GMIP: variants seen among roughly 807,000 people sequenced by gnomAD.
GMIP encodes GEM-interacting protein.
In GMIP, 54 loss-of-function variants were observed where a neutral mutation model predicts 105.3. The observed-to-expected ratio is 0.51, with a 90% CI of 0.41 to 0.64. The LOEUF (loss-of-function observed/expected upper bound fraction) is 0.64. Ranked by LOEUF, GMIP falls within the 30% of genes least tolerant of loss-of-function variation. The pLI is 0.00. For synonymous variants in GMIP, 541 were observed against 560.8 expected (o/e 0.96, Z 0.50); for missense variants, 1,110 against 1,319.4 (o/e 0.84, Z 2.46).
chr19:19,630,037 A>G lies in GMIP; in HGVS notation c.2839T>C (p.Leu947=), dbSNP rs760115407. The G allele has an allele frequency of 2.5e-6, 4 of 1,608,970 alleles. No individual in the cohort carries two copies. In the African/African-American group the frequency reaches 4.0e-5, roughly 16 times the overall value. ...TQETARLLSK[L]DSEAVPRATC... is the part of the protein sequence containing the mutation. ...GCCCTGGGCACAGCCTCGCTGTCCA[A>G]TTTCGAGAGTAGCCGGGCTGTCTCC... The change falls in exon 21 of 21, where the codon TTG becomes CTG. Residue 947 remains leucine (L), a synonymous_variant. Coordinates refer to ENST00000203556, the MANE Select transcript of GMIP (RefSeq NM_016573.4). This position sits in a 1 kb window ranked among gnomAD's most constrained non-coding sequence, Gnocchi z 4.8.
At chr19:19,641,953 C>T in intron 3 of GMIP, 23 bp downstream of exon 3, 3 of 1,607,410 alleles carry the variant, frequency 1.9e-6, no homozygotes, top group Non-Finnish European at 2.6e-6. Context: ...GTCTTCCTCC[C>T]TGTTCCCCTA....
At position 19,635,187 on chromosome 19, in the gene GMIP, G is replaced by A. The variant is rs762495802; in HGVS notation, c.1587C>T (p.Cys529=). ...CACAGAGGATCAGGAGAGTCTCCAG[G>A]CAGCGCTTGTGGCAGGTCAGAAAGC... ...EECFLTCHKR[C]LETLLILCGH... The change falls in exon 16 of 21, where the codon TGC becomes TGT. Residue 529 remains cysteine, a synonymous_variant. Coordinates refer to ENST00000203556, the MANE Select transcript of GMIP (RefSeq NM_016573.4). The surrounding 1 kb of genome is among the most constrained non-coding windows in gnomAD (Gnocchi z 4.7). The A allele has an allele frequency of 1.2e-6, 2 of 1,613,558 alleles. No individual in the cohort carries two copies. The highest frequency in any genetic ancestry group is 2.2e-5 in the South Asian group (2 of 91,036).
Position 19,634,389 on chromosome 19 carries a change from G to C in GMIP, c.2084+118C>G. On this transcript the variant is annotated intron_variant, in intron 18 of 20. Transcript: ENST00000203556. The surrounding 1 kb of genome is among the most constrained non-coding windows in gnomAD (Gnocchi z 6.1). ...GTTATGAATCATGGATTAAGGTTCA[G>C]AGTTCAGAAAACACAGGTCAAAGGT... 2 of 1,052,980 alleles carry C rather than the reference G, an allele frequency of 1.9e-6. No homozygotes were observed. Among genetic ancestry groups the C allele is most frequent in the Non-Finnish European group, 1.4e-6 (1 of 705,486 alleles). 65.2% of individuals were successfully genotyped at this position (1,052,980 alleles called of 1,614,324 possible).
chr19:19,637,676 T>A lies in GMIP; in HGVS notation c.928-115A>T. The A allele has an allele frequency of 1.1e-6, 1 of 951,650 alleles. No individual in the cohort carries two copies. The highest frequency in any genetic ancestry group is 1.5e-6 in the Non-Finnish European group (1 of 666,330). 59.0% of individuals were successfully genotyped at this position (951,650 alleles called of 1,614,324 possible). On this transcript the variant is annotated intron_variant, in intron 10 of 20. Transcript: ENST00000203556. The surrounding 1 kb of genome is among the most constrained non-coding windows in gnomAD (Gnocchi z 6.7). ...ACGTGGTCAGGGTTTGGGACGCACC[T>A]GGGCGGCTTAGGAACTAGGGCAGTC...
chr19:19,637,159 C>T lies in GMIP; in HGVS notation c.1125-130G>A. On this transcript the variant is annotated intron_variant, in intron 11 of 20. Coordinates refer to ENST00000203556, the MANE Select transcript of GMIP (RefSeq NM_016573.4). This position sits in a 1 kb window ranked among gnomAD's most constrained non-coding sequence, Gnocchi z 6.7. ...AACCCTGACACCCAGGGCATTGTGG[C>T]CCCTGAAATACAGTAGCCCCACATT... is the stretch of plus-strand genomic sequence containing the variant. 1 of 695,086 alleles carries T rather than the reference C, an allele frequency of 1.4e-6. No homozygotes were observed. The highest frequency in any genetic ancestry group is 2.7e-5 in the East Asian group (1 of 36,854). The allele number at this position is 695,086 out of a possible 1,614,324, so 43.1% of individuals were successfully genotyped here. A position where few individuals can be genotyped will look rare whatever the true frequency, so the allele number is the denominator to read the frequency against.
chr19:19,633,997 C>T lies in GMIP; in HGVS notation c.2278G>A (p.Asp760Asn). 2.5e-6 allele frequency: 4 copies of T among 1,606,150 alleles called. No homozygotes were observed. The highest frequency in any genetic ancestry group is 3.4e-6 in the Non-Finnish European group (4 of 1,174,010). The change falls in exon 19 of 21, where the codon GAT becomes AAT. Residue 760 changes from aspartate to asparagine, a missense_variant. Physicochemically the swap from Asp to Asn is conservative, Grantham distance 23. Coordinates refer to ENST00000203556, the MANE Select transcript of GMIP (RefSeq NM_016573.4). ...IVHYEQIFGM[D>N]ELPQATEPPP... ...GGCTCAGTGGCCTGGGGGAGCTCAT[C>T]CATCCCAAAGATCTGCTCGTAGTGC...
At position 19,636,825 on chromosome 19, in the gene GMIP, C is replaced by T. The variant is rs1370386365; in HGVS notation, c.1238-29G>A. On this transcript the variant is annotated intron_variant, in intron 12 of 20. Coordinates refer to ENST00000203556, the MANE Select transcript of GMIP (RefSeq NM_016573.4). The stretch of plus-strand genomic sequence containing the variant: ...GGTGGCACAGGTCAATAAGGATGGT[C>T]CCCTGCTCACAAACCCCACTCCTGC... 1.9e-6 allele frequency: 3 copies of T among 1,588,442 alleles called. No homozygotes were observed. The South Asian group carries it at 3.3e-5, about 18-fold the overall frequency.
chr19:19,637,821 A>T lies in GMIP; in HGVS notation c.927+99T>A. On this transcript the variant is annotated intron_variant, in intron 10 of 20. Transcript: ENST00000203556. This position sits in a 1 kb window ranked among gnomAD's most constrained non-coding sequence, Gnocchi z 6.7. ...AACTGGCTGTCGAGGGAAATGGCCTAGTCCTGGTGTCTCCAGGGTGGCTTA... is the reference window on the plus strand; with the variant it reads ...AACTGGCTGTCGAGGGAAATGGCCTTGTCCTGGTGTCTCCAGGGTGGCTTA... 7.8e-7 allele frequency: 1 copy of T among 1,286,596 alleles called. No homozygotes were observed. Among genetic ancestry groups the T allele is most frequent in the Non-Finnish European group, 1.1e-6 (1 of 929,884 alleles). 79.7% of individuals were successfully genotyped at this position (1,286,596 alleles called of 1,614,324 possible).
At position 19,637,440 on chromosome 19, in the gene GMIP, C is replaced by T. The variant is rs1325522799; in HGVS notation, c.1049G>A (p.Arg350Gln). The T allele has an allele frequency of 1.3e-6, 2 of 1,512,872 alleles. No homozygotes were observed. Among genetic ancestry groups the T allele is most frequent in the East Asian group, 2.6e-5 (1 of 38,764 alleles). 93.7% of individuals were successfully genotyped at this position (1,512,872 alleles called of 1,614,324 possible). The change falls in exon 11 of 21, where the codon CGG (arginine) becomes CAG (glutamine). Residue 350 changes from arginine (R) to glutamine (Q), a missense_variant. Around this residue, in one of 3 missense-constraint regions of GMIP, gnomAD observed 667 missense variants for 773.2 expected, o/e 0.86. Transcript: ENST00000203556. This position sits in a 1 kb window ranked among gnomAD's most constrained non-coding sequence, Gnocchi z 6.7. Reference sequence around the variant, plus strand: ...CGGCGGGGCCTCGGGCCGCAGCGCCCGTACAAACTCCTGGTAGCGCTGGCC... The same window carrying T: ...CGGCGGGGCCTCGGGCCGCAGCGCCTGTACAAACTCCTGGTAGCGCTGGCC... ...EPGQRYQEFV[R>Q]ALRPEAPPPP...
rs141650591 is a variant in GMIP, at chr19:19,630,207, A to G, written c.2669T>C (p.Val890Ala). ...VTHQLSSLALVASKLCEETPI... is the reference protein window; with the variant it reads ...VTHQLSSLALAASKLCEETPI... The stretch of plus-strand genomic sequence containing the variant: ...GGTCTCCTCGCACAGCTTGGAAGCC[A>G]CCAGGGCCAGACTGGACAGCTGGTG... The change falls in exon 21 of 21, where the codon GTG (valine) becomes GCG (alanine). Residue 890 changes from valine (V) to alanine (A), a missense_variant. Physicochemically the swap from Val to Ala is moderately conservative, Grantham distance 64. Around this residue, in one of 3 missense-constraint regions of GMIP, gnomAD observed 394 missense variants for 450.5 expected, o/e 0.87. Transcript: ENST00000203556. The surrounding 1 kb of genome is among the most constrained non-coding windows in gnomAD (Gnocchi z 4.8). The G allele has an allele frequency of 1.3e-6, 2 of 1,598,736 alleles. No homozygotes were observed. The highest frequency in any genetic ancestry group is 1.7e-6 in the Non-Finnish European group (2 of 1,169,044).
rs764134035 is a variant in GMIP, at chr19:19,637,577, A to G, written c.928-16T>C. The stretch of plus-strand genomic sequence containing the variant: ...TCAGCGTCACCTGCCGGGTGGAGAC[A>G]GCAGGTTGGGGAGGGGCGGAGCCTG... On this transcript the variant is annotated splice_polypyrimidine_tract_variant and intron_variant, in intron 10 of 20. Transcript: ENST00000203556. The surrounding 1 kb of genome is among the most constrained non-coding windows in gnomAD (Gnocchi z 6.7). The G allele has an allele frequency of 2.0e-6, 3 of 1,505,278 alleles. No individual in the cohort carries two copies. The highest frequency in any genetic ancestry group is 2.5e-5 in the East Asian group (1 of 40,264). The allele number at this position is 1,505,278 out of a possible 1,614,324, so 93.2% of individuals were successfully genotyped here. A position where few individuals can be genotyped will look rare whatever the true frequency, so the allele number is the denominator to read the frequency against.
intron 19 of GMIP, among the ~76,000 whole-genome samples, chr19:19,632,049 G>C (rs2061801731): frequency 6.6e-6 from 1 of 151,590 alleles, no homozygotes; most frequent in African/African-American, 2.4e-5. Context: ...CCAGCACTTT[G>C]GGAGGCTGAG....
Position 19,637,794 on chromosome 19 carries a change from G to A in GMIP, c.927+126C>T. 9.3e-7 allele frequency: 1 copy of A among 1,078,356 alleles called. No individual in the cohort carries two copies. The highest frequency in any genetic ancestry group is 1.3e-6 in the Non-Finnish European group (1 of 751,392). The allele number at this position is 1,078,356 out of a possible 1,614,324, so 66.8% of individuals were successfully genotyped here. On this transcript the variant is annotated intron_variant, in intron 10 of 20. Coordinates refer to ENST00000203556, the MANE Select transcript of GMIP (RefSeq NM_016573.4). This position sits in a 1 kb window ranked among gnomAD's most constrained non-coding sequence, Gnocchi z 6.7. ...AGCCGAGACAGTGGGTCTGGGGGCG[G>A]GAACTGGCTGTCGAGGGAAATGGCC...
chr19:19,643,427 G>T, intron 1 of GMIP, 84 bp downstream of exon 1: 1 of 1,274,864 alleles, frequency 7.8e-7, no homozygotes, highest in Non-Finnish European at 1.1e-6. Context: ...TGGCTCTCAG[G>T]ACGGAGCGGG....
At chr19:19,636,093 A>G (rs2061851221) in intron 13 of GMIP, among the ~76,000 whole-genome samples, 2 of 151,726 alleles carry the variant, frequency 1.3e-5, no homozygotes, top group Admixed American at 1.3e-4. Flanking sequence ...AGTCCCAGCT[A>G]CTCGGGAGGC....
chr19:19,637,147 A>G lies in GMIP; in HGVS notation c.1125-118T>C. The G allele has an allele frequency of 1.4e-6, 1 of 717,514 alleles. No homozygotes were observed. Among genetic ancestry groups the G allele is most frequent in the South Asian group, 1.8e-5 (1 of 55,354 alleles). 44.4% of individuals were successfully genotyped at this position (717,514 alleles called of 1,614,324 possible). A position where few individuals can be genotyped will look rare whatever the true frequency, so the allele number is the denominator to read the frequency against. The stretch of plus-strand genomic sequence containing the variant: ...CTTGGGTCTGCAAACCCTGACACCC[A>G]GGGCATTGTGGCCCCTGAAATACAG... On this transcript the variant is annotated intron_variant, in intron 11 of 20. Coordinates refer to ENST00000203556, the MANE Select transcript of GMIP (RefSeq NM_016573.4). The surrounding 1 kb of genome is among the most constrained non-coding windows in gnomAD (Gnocchi z 6.7).
Position 19,629,872 on chromosome 19 carries a change from G to C in GMIP, c.*91C>G. The C allele has an allele frequency of 2.4e-6, 3 of 1,271,454 alleles. No homozygotes were observed. Among genetic ancestry groups the C allele is most frequent in the South Asian group, 1.4e-5 (1 of 70,138 alleles). 78.8% of individuals were successfully genotyped at this position (1,271,454 alleles called of 1,614,324 possible). On this transcript the variant is annotated 3_prime_UTR_variant, in exon 21 of 21. Transcript: ENST00000203556. ...CCTCTCCCAGCATTGAACTCCTGGC[G>C]GGGTGTTTGGCCACTAGGTGGTGGG...
rs971224810 is a variant in GMIP at position 19,643,564 on chromosome 19, A to C, written c.-35T>G. On this transcript the variant is annotated 5_prime_UTR_variant, in exon 1 of 21. Coordinates refer to ENST00000203556, the MANE Select transcript of GMIP (RefSeq NM_016573.4). ...CGGGGATCGCTCTGCAGGGACCGGG[A>C]TGGGGATGGGGTCGCGCGCCGGCGG... The C allele has an allele frequency of 6.5e-7, 1 of 1,528,640 alleles. No individual in the cohort carries two copies. Among genetic ancestry groups the C allele is most frequent in the African/African-American group, 1.4e-5 (1 of 71,020 alleles). The allele number at this position is 1,528,640 out of a possible 1,614,324, so 94.7% of individuals were successfully genotyped here.
In GMIP at chr19:19,640,486, G is replaced by C; in HGVS notation, c.324C>G (p.Ala108=). 1 of 1,614,060 alleles carries C rather than the reference G, an allele frequency of 6.2e-7. No individual in the cohort carries two copies. ...LEYAKTWSRY[A]KELLAWTEKR... ...TTTCAGTCCAGGCAAGCAGTTCCTT[G>C]GCATAGCGGCTCCAGGTCTTGGCAT... The change falls in exon 5 of 21, where the codon GCC becomes GCG. Residue 108 remains alanine (A), a synonymous_variant. Transcript: ENST00000203556.
Sources: allele counts gnomAD v4.1 joint callset (sites outside exome capture counted in the v4.1 genomes callset), GRCh38; gene constraint gnomAD v4.1.1; regional missense constraint gnomAD v4.1.1; non-coding constraint Gnocchi (gnomAD v3.1); transcripts MANE v1.5; gene names NCBI Gene and HGNC (gene_info 2026-07-23, HGNC 2026-07-21).